Variants in PUS10 observed in about 807,000 individuals in gnomAD.
The protein encoded by PUS10 is pseudouridine synthase 10.
A neutral mutation model predicts 75.0 loss-of-function variants in PUS10; 59 were observed. That is an observed-to-expected ratio of 0.79 (90% CI 0.64 to 0.98). The LOEUF (loss-of-function observed/expected upper bound fraction) is 0.98. Ranked by LOEUF, PUS10 falls within the 50% of genes least tolerant of loss-of-function variation. The pLI is 0.00. For synonymous variants in PUS10, 219 were observed against 211.6 expected (o/e 1.03, Z -0.30); for missense variants, 650 against 614.4 (o/e 1.06, Z -0.61).
intron 4 of PUS10, among the ~76,000 whole-genome samples, chr2:60,990,069 T>C (rs560789900): frequency 3.3e-4 from 50 of 152,180 alleles, no homozygotes; most frequent in African/African-American, 1.1e-3. Flanking sequence ...GCAACACATA[T>C]TGATATTCTC....
chr2:61,013,951 AAACAAC>A (rs34082267), intron 1 of PUS10, among the ~76,000 whole-genome samples: 2,481 of 151,236 alleles, frequency 0.016, 30 homozygotes, highest in Middle Eastern at 0.038. Flanking sequence ...AAATACAAAC[AAACAAC>A]AACAACAACA....
At chr2:60,954,043 G>A (rs1675503239) in intron 13 of PUS10, 39 bp downstream of exon 13, 4 of 1,609,748 alleles carry the variant, frequency 2.5e-6, no homozygotes, top group Non-Finnish European at 3.4e-6. Flanking sequence ...TTACAGAATT[G>A]CAGAAACATG....
intron 4 of PUS10, among the ~76,000 whole-genome samples, chr2:60,999,076 A>T (rs1392649077): frequency 6.6e-6 from 1 of 152,196 alleles, no homozygotes. Context: ...TTTCCCATAC[A>T]CTACCCATGA....
intron 5 of PUS10, 103 bp from the exon 6 acceptor site, chr2:60,967,716 G>A: frequency 1.4e-6 from 1 of 729,910 alleles, no homozygotes; most frequent in Non-Finnish European, 2.3e-6. Flanking sequence ...TGAGTGCCTA[G>A]TATGTACCAG....
At chr2:61,016,689 T>C (rs1483510104) in intron 1 of PUS10, among the ~76,000 whole-genome samples, 1 of 152,198 alleles carries the variant, frequency 6.6e-6, no homozygotes, top group African/African-American at 2.4e-5. Context: ...TCTGGCTTAC[T>C]GGAGGAGAGG....
chr2:60,980,123 A>G (rs1188711244), intron 4 of PUS10, among the ~76,000 whole-genome samples: 5 of 152,222 alleles, frequency 3.3e-5, no homozygotes, highest in Non-Finnish European at 7.3e-5. Flanking sequence ...TCTGGGATAG[A>G]TAAATGAAGA....
intron 11 of PUS10, among the ~76,000 whole-genome samples, chr2:60,955,502 A>T (rs958509636): frequency 6.6e-6 from 1 of 151,908 alleles, no homozygotes; most frequent in Non-Finnish European, 1.5e-5. Context: ...GCTAATTTTT[A>T]AATTTTTGTA....
chr2:61,006,787 A>G lies in PUS10; in HGVS notation c.382-144T>C, dbSNP rs543528326. On this transcript the variant is annotated intron_variant, in intron 3 of 17. Transcript: ENST00000316752. Reference sequence around the variant, plus strand: ...ACATTTGACAGTGGAACACTCACAAATATCTTGAGATTAAATATTGCCTAA... The same window carrying G: ...ACATTTGACAGTGGAACACTCACAAGTATCTTGAGATTAAATATTGCCTAA... The G allele has an allele frequency of 4.8e-6, 3 of 621,194 alleles. No homozygotes were observed. In the African/African-American group the frequency reaches 5.6e-5, roughly 12 times the overall value. The allele number at this position is 621,194 out of a possible 1,614,324, so 38.5% of individuals were successfully genotyped here.
At chr2:60,962,966 T>C (rs1676122326) in intron 8 of PUS10, 76 bp from the exon 9 acceptor site, 1 of 1,465,592 alleles carries the variant, frequency 6.8e-7, no homozygotes, top group Non-Finnish European at 9.0e-7. Context: ...ACACAGAACA[T>C]GGCTGGAGAA....
At chr2:60,997,158 C>T (rs1309687440) in intron 4 of PUS10, among the ~76,000 whole-genome samples, 2 of 152,152 alleles carry the variant, frequency 1.3e-5, no homozygotes, top group African/African-American at 4.8e-5. Context: ...TGCATGAACA[C>T]ACTCATTTCC....
At chr2:61,005,159 A>G (rs1183505870) in intron 4 of PUS10, among the ~76,000 whole-genome samples, 2 of 152,056 alleles carry the variant, frequency 1.3e-5, no homozygotes, top group African/African-American at 4.8e-5. Context: ...TACTTGGGAG[A>G]CTGAGGCAGG....
intron 2 of PUS10, 29 bp downstream of exon 2, chr2:61,011,736 G>GAAAA (rs370406865): frequency 2.3e-5 from 27 of 1,153,918 alleles, no homozygotes; most frequent in South Asian, 7.1e-5. Flanking sequence ...CTCTTAATTT[G>GAAAA]AAAAAAAAAA....
At chr2:60,962,300 G>A (rs1344486440) in intron 9 of PUS10, among the ~76,000 whole-genome samples, 1 of 152,158 alleles carries the variant, frequency 6.6e-6, no homozygotes, top group South Asian at 2.1e-4. Flanking sequence ...GGCCGGGCAC[G>A]GTGGCTCACG....
intron 1 of PUS10, among the ~76,000 whole-genome samples, chr2:61,013,083 C>G (rs1190996395): frequency 2.7e-5 from 4 of 150,530 alleles, no homozygotes; most frequent in Non-Finnish European, 3.0e-5. Context: ...AAGACCCTGT[C>G]TCTACAAAAA....
chr2:60,960,752 G>A (rs1383299662), intron 10 of PUS10, among the ~76,000 whole-genome samples: 1 of 150,590 alleles, frequency 6.6e-6, no homozygotes, highest in Non-Finnish European at 1.5e-5. Context: ...GATATGAATG[G>A]TACATCAAAT....
chr2:61,000,960 G>A (rs1332613944), intron 4 of PUS10, among the ~76,000 whole-genome samples: 1 of 152,150 alleles, frequency 6.6e-6, no homozygotes, highest in Non-Finnish European at 1.5e-5. Context: ...CTAAACACCT[G>A]AACCCATCTT....
rs368473144 is a variant in PUS10, at chr2:60,948,155, G to A, written c.1339C>T (p.Arg447Cys). Residue 447 changes from arginine to cysteine, a missense_variant, in exon 16 of 18, where the codon CGC becomes TGC. Physicochemically the swap from Arg to Cys is radical, Grantham distance 180. Transcript: ENST00000316752. ...DLKIDQKTPL[R>C]VLHRRPLAVR... ...GCCAGGGGCCTTCGGTGAAGGACGC[G>A]CAAAGGTGTTTTCTGGTCGATTTTT... 7.4e-6 allele frequency: 12 copies of A among 1,613,950 alleles called. No individual in the cohort carries two copies. The highest frequency in any genetic ancestry group is 5.5e-5 in the South Asian group (5 of 91,090).
Position 60,955,083 on chromosome 2 carries a change from A to G in PUS10, c.1001-9T>C. ...GGATGAAAAATTAAAACCTTTGAAA[A>G]GCAGATAAAGAAAAAAAAATTAGAG... On this transcript the variant is annotated splice_polypyrimidine_tract_variant and intron_variant, in intron 11 of 17. Coordinates refer to ENST00000316752, the MANE Select transcript of PUS10 (RefSeq NM_144709.4). 1 of 1,576,002 alleles carries G rather than the reference A, an allele frequency of 6.3e-7. No homozygotes were observed. Among genetic ancestry groups the G allele is most frequent in the African/African-American group, 1.4e-5 (1 of 73,938 alleles).
chr2:60,965,074 G>T lies in PUS10; in HGVS notation c.707C>A (p.Pro236Gln), dbSNP rs1361843119. The T allele has an allele frequency of 1.2e-6, 2 of 1,613,512 alleles. No homozygotes were observed. The highest frequency in any genetic ancestry group is 1.7e-6 in the Non-Finnish European group (2 of 1,179,702). The change falls in exon 8 of 18, where the codon CCA becomes CAA. Residue 236 changes from proline (P) to glutamine (Q), a missense_variant. Physicochemically the swap from Pro to Gln is moderately conservative, Grantham distance 76. Transcript: ENST00000316752. ...LAAICPDCFK[P>Q]AKNKQSVFTR... ...TTTCCTTACCTGTTTGTTTTTGGCT[G>T]GCTTAAAACAATCTGGGCATATCGC...
Sources: gnomAD v4.1 joint callset for allele counts (sites outside exome capture counted in the v4.1 genomes callset) on GRCh38, gnomAD v4.1.1 for gene constraint, MANE v1.5 for transcripts, NCBI Gene and HGNC (gene_info 2026-07-23, HGNC 2026-07-21) for gene names.